Variants in FNDC3A observed in about 807,000 individuals in gnomAD.
FNDC3A encodes the protein fibronectin type III domain containing 3A.
A neutral mutation model predicts 148.9 loss-of-function variants in FNDC3A; 32 were observed. The observed-to-expected ratio is 0.21, with a 90% CI of 0.16 to 0.29. The LOEUF (loss-of-function observed/expected upper bound fraction) is 0.29. FNDC3A is among the 10% of genes least tolerant of loss of function. The pLI is 1.00. For synonymous variants in FNDC3A, 472 were observed against 473.6 expected, an observed-to-expected ratio of 1.00 and a Z score of 0.04; for missense variants, 1,191 against 1,452.8, an observed-to-expected ratio of 0.82 and a Z score of 2.93.
At chr13:49,029,078 G>A (rs1269594019) in intron 2 of FNDC3A, among the ~76,000 whole-genome samples, 1 of 152,028 alleles carries the variant, frequency 6.6e-6, no homozygotes, top group East Asian at 1.9e-4. Context: ...AGCTCAAGTG[G>A]TCCTCCCACC....
chr13:49,014,344 G>A (rs1213493590), intron 2 of FNDC3A, among the ~76,000 whole-genome samples: 1 of 112,982 alleles, frequency 8.9e-6, no homozygotes, highest in Non-Finnish European at 1.8e-5. Context: ...TTCTCTGATG[G>A]CCAGTGATGG....
intron 2 of FNDC3A, among the ~76,000 whole-genome samples, chr13:49,013,703 C>T (rs1402956948): frequency 2.0e-5 from 3 of 148,966 alleles, no homozygotes; most frequent in African/African-American, 7.4e-5. Flanking sequence ...CCCACTAACT[C>T]GTCATCTATC....
chr13:49,189,470 C>T (rs895511822), intron 17 of FNDC3A, among the ~76,000 whole-genome samples: 24 of 151,976 alleles, frequency 1.6e-4, no homozygotes, highest in African/African-American at 4.6e-4. Flanking sequence ...CATGAGCCAC[C>T]GCACCCGGCC....
At chr13:49,136,633 T>C (rs2137941135) in intron 6 of FNDC3A, 32 bp downstream of exon 6, 2 of 1,591,168 alleles carry the variant, frequency 1.3e-6, no homozygotes, top group East Asian at 2.3e-5. Flanking sequence ...CTGTTCTCAT[T>C]GATGCTATTC....
intron 3 of FNDC3A, among the ~76,000 whole-genome samples, chr13:49,083,782 T>C (rs959258287): frequency 6.6e-6 from 1 of 152,218 alleles, no homozygotes; most frequent in Non-Finnish European, 1.5e-5. Context: ...TGGAGTTGTT[T>C]GTTATAACAG....
chr13:49,013,487 T>G (rs552102557), intron 2 of FNDC3A, among the ~76,000 whole-genome samples: 171 of 150,430 alleles, frequency 1.1e-3, no homozygotes, highest in African/African-American at 3.7e-3. Context: ...TGTATACATG[T>G]ATATACATGT....
intron 3 of FNDC3A, among the ~76,000 whole-genome samples, chr13:49,081,521 AGT>A (rs1878468656): frequency 6.6e-6 from 1 of 152,236 alleles, no homozygotes. Flanking sequence ...TTATGTAAAT[AGT>A]GTGTGTCCGT....
chr13:49,117,605 A>G (rs1389063904), intron 4 of FNDC3A, among the ~76,000 whole-genome samples: 1 of 147,198 alleles, frequency 6.8e-6, no homozygotes, highest in Non-Finnish European at 1.5e-5. Context: ...AAAATATTTG[A>G]AAAAAAAAAT....
chr13:49,182,040 G>A (rs556608934), intron 14 of FNDC3A, among the ~76,000 whole-genome samples: 6 of 152,220 alleles, frequency 3.9e-5, no homozygotes, highest in African/African-American at 1.4e-4. Flanking sequence ...GGAGTGCATT[G>A]GCACAATCAT....
chr13:49,032,845 A>G (rs1874224249), intron 2 of FNDC3A, among the ~76,000 whole-genome samples: 1 of 152,216 alleles, frequency 6.6e-6, no homozygotes, highest in South Asian at 2.1e-4. Context: ...CCATGAAATT[A>G]TAACTCTTTA....
intron 1 of FNDC3A, among the ~76,000 whole-genome samples, chr13:49,005,387 G>A (rs1952202201): frequency 6.6e-6 from 1 of 151,796 alleles, no homozygotes. Context: ...GTAATTTGCT[G>A]ATGTTTTATT....
Position 49,060,929 on chromosome 13 carries a change from C to G in FNDC3A, c.100-14360C>G, listed in dbSNP as rs187734036. ...GAAGTATACATGGAGGTGATGATTGCACAACATTGTGAATGTACCAAATGC... is the reference window on the plus strand; with the variant it reads ...GAAGTATACATGGAGGTGATGATTGGACAACATTGTGAATGTACCAAATGC... On this transcript the variant is annotated intron_variant, in intron 2 of 25. Coordinates refer to ENST00000492622, the MANE Select transcript of FNDC3A (RefSeq NM_001079673.2). Among the ~76,000 whole-genome samples, 8 of 152,182 alleles carry G rather than the reference C, an allele frequency of 5.3e-5. No homozygotes were observed. In the East Asian group the frequency reaches 1.4e-3, roughly 26 times the overall value.
intron 1 of FNDC3A, among the ~76,000 whole-genome samples, chr13:48,987,291 T>G (rs1190177708): frequency 6.6e-6 from 1 of 152,166 alleles, no homozygotes; most frequent in Non-Finnish European, 1.5e-5. Context: ...GAAAAACTGA[T>G]CTATGTGCAC....
chr13:49,135,012 C>T (rs535666679), intron 5 of FNDC3A, among the ~76,000 whole-genome samples: 322 of 151,488 alleles, frequency 2.1e-3, no homozygotes, highest in Non-Finnish European at 3.5e-3. Flanking sequence ...CGCGCCACCA[C>T]GCCCGGCTAA....
chr13:49,083,677 T>G (rs1447360247), intron 3 of FNDC3A, among the ~76,000 whole-genome samples: 7 of 152,120 alleles, frequency 4.6e-5, no homozygotes, highest in Non-Finnish European at 1.0e-4. Context: ...CGCCTCGGCC[T>G]CCCAAAGTGC....
chr13:49,068,984 T>C (rs183964465), intron 2 of FNDC3A, among the ~76,000 whole-genome samples: 1 of 152,096 alleles, frequency 6.6e-6, no homozygotes, highest in East Asian at 1.9e-4. Flanking sequence ...TGCAAAATAA[T>C]ACATACAACA....
At chr13:49,036,253 G>A (rs188810048) in intron 2 of FNDC3A, among the ~76,000 whole-genome samples, 1 of 152,070 alleles carries the variant, frequency 6.6e-6, no homozygotes, top group Non-Finnish European at 1.5e-5. Flanking sequence ...GGGGCATCCC[G>A]AGATATATTG....
intron 2 of FNDC3A, among the ~76,000 whole-genome samples, chr13:49,051,093 A>G (rs1427855233): frequency 1.3e-5 from 2 of 152,104 alleles, no homozygotes; most frequent in Non-Finnish European, 2.9e-5. Flanking sequence ...GTAAATTCTT[A>G]TCTATTCTGC....
chr13:48,987,927 C>T (rs567624776), intron 1 of FNDC3A: 1 of 152,254 alleles, frequency 6.6e-6, no homozygotes, highest in Non-Finnish European at 1.5e-5. Context: ...GCTTTGGCAG[C>T]ACATATACTA....
Sources: gnomAD v4.1 joint callset for allele counts (sites outside exome capture counted in the v4.1 genomes callset) on GRCh38, gnomAD v4.1.1 for gene constraint, MANE v1.5 for transcripts, NCBI Gene and HGNC (gene_info 2026-07-23, HGNC 2026-07-21) for gene names.